The following CTNNA2 variants were observed in gnomAD, a reference collection of about 807,000 sequenced individuals.
The protein encoded by CTNNA2 is catenin alpha 2, also known as catenin alpha-2.
Under a neutral mutation model 101.0 loss-of-function variants are expected in CTNNA2, and 42 were observed. That is an observed-to-expected ratio of 0.42 (90% CI 0.32 to 0.54). CTNNA2 has a LOEUF of 0.54. Among genes scored for constraint, CTNNA2 ranks in the 20% least tolerant of loss-of-function variants. The pLI is 0.14. For synonymous variants in CTNNA2, 450 were observed against 456.4 expected, an observed-to-expected ratio of 0.99 and a Z score of 0.18; for missense variants, 871 against 1,223.1, an observed-to-expected ratio of 0.71 and a Z score of 4.29.
chr2:79,895,030 G>A (rs1039562631), intron 6 of CTNNA2, among the ~76,000 whole-genome samples: 13 of 152,196 alleles, frequency 8.5e-5, no homozygotes, highest in African/African-American at 2.2e-4. Context: ...ATGCTATTAT[G>A]TTCCAATGGG....
chr2:80,333,704 C>T (rs1671543333), intron 7 of CTNNA2, among the ~76,000 whole-genome samples: 1 of 152,182 alleles, frequency 6.6e-6, no homozygotes, highest in Non-Finnish European at 1.5e-5. Flanking sequence ...CGGCTCCCTG[C>T]AATCTCTGCC....
intron 7 of CTNNA2, among the ~76,000 whole-genome samples, chr2:80,172,468 C>T (rs1171808656): frequency 5.9e-5 from 9 of 152,194 alleles, no homozygotes; most frequent in Admixed American, 5.9e-4. Flanking sequence ...CTTTTATATA[C>T]TCACTCCTCA....
intron 7 of CTNNA2, among the ~76,000 whole-genome samples, chr2:80,046,237 G>C (rs546814594): frequency 1.9e-4 from 29 of 152,252 alleles, no homozygotes; most frequent in Non-Finnish European, 3.7e-4. Flanking sequence ...TCCTGAACTG[G>C]GTTGACCTTG....
At chr2:79,876,985 G>A (rs1683071528) in intron 6 of CTNNA2, among the ~76,000 whole-genome samples, 1 of 151,268 alleles carries the variant, frequency 6.6e-6, no homozygotes, top group African/African-American at 2.4e-5. Flanking sequence ...GTATAATATG[G>A]TAAATAAGTC....
intron 3 of CTNNA2, among the ~76,000 whole-genome samples, chr2:79,357,151 G>A (rs919646633): frequency 6.6e-6 from 1 of 152,024 alleles, no homozygotes; most frequent in Non-Finnish European, 1.5e-5. Flanking sequence ...ACATAGCAAG[G>A]CCTCATCTGT....
At chr2:80,381,358 G>T (rs1401136221) in intron 7 of CTNNA2, among the ~76,000 whole-genome samples, 1 of 152,084 alleles carries the variant, frequency 6.6e-6, no homozygotes, top group Non-Finnish European at 1.5e-5. Context: ...TTCTTTGGTT[G>T]TTTTAACTGT....
At chr2:79,302,024 C>T (rs1005281596) in intron 2 of CTNNA2, among the ~76,000 whole-genome samples, 2 of 151,914 alleles carry the variant, frequency 1.3e-5, no homozygotes, top group Admixed American at 6.6e-5. Flanking sequence ...ACCTGGGAGG[C>T]GGAGGTTGCA....
At chr2:80,087,838 G>A (rs1699545766) in intron 7 of CTNNA2, among the ~76,000 whole-genome samples, 1 of 151,966 alleles carries the variant, frequency 6.6e-6, no homozygotes, top group South Asian at 2.1e-4. Context: ...GCACAGAGGT[G>A]TAAGGCAGAC....
chr2:80,057,276 G>C (rs1002618207), intron 7 of CTNNA2, among the ~76,000 whole-genome samples: 4 of 151,582 alleles, frequency 2.6e-5, no homozygotes, highest in Non-Finnish European at 5.9e-5. Flanking sequence ...AAACTATTGG[G>C]AATATAACTG....
intron 2 of CTNNA2, among the ~76,000 whole-genome samples, chr2:79,221,929 AGGCTGTGT>A (rs1674350404): frequency 6.6e-6 from 1 of 152,148 alleles, no homozygotes; most frequent in Admixed American, 6.5e-5. Flanking sequence ...TAGAGGGTAT[AGGCTGTGT>A]GGCTATATAG....
At chr2:80,578,197 C>T (rs1313942909) in intron 13 of CTNNA2, among the ~76,000 whole-genome samples, 1 of 151,956 alleles carries the variant, frequency 6.6e-6, no homozygotes, top group Non-Finnish European at 1.5e-5. Flanking sequence ...ATACTTGGTG[C>T]CATTTTACAG....
At chr2:79,208,420 G>A (rs1282043237) in intron 2 of CTNNA2, among the ~76,000 whole-genome samples, 1 of 152,134 alleles carries the variant, frequency 6.6e-6, no homozygotes, top group African/African-American at 2.4e-5. Flanking sequence ...TAGAACAATT[G>A]TTTTTCAGCT....
intron 4 of CTNNA2, among the ~76,000 whole-genome samples, chr2:79,495,468 A>G (rs550231393): frequency 3.9e-4 from 60 of 152,348 alleles, no homozygotes; most frequent in Admixed American, 1.0e-3. Context: ...TAAAAATAAT[A>G]ACATGTTGGC....
At chr2:80,076,535 G>A (rs1698765172) in intron 7 of CTNNA2, among the ~76,000 whole-genome samples, 1 of 151,474 alleles carries the variant, frequency 6.6e-6, no homozygotes, top group South Asian at 2.1e-4. Flanking sequence ...CTCCTGCCTT[G>A]GCGTCCCAAA....
intron 7 of CTNNA2, chr2:80,163,063 A>T (rs1704432936): frequency 7.0e-6 from 11 of 1,566,722 alleles, no homozygotes; most frequent in Non-Finnish European, 9.7e-6. Context: ...TAAGGAACAG[A>T]TACTTCATGT....
Position 80,202,150 on chromosome 2 carries a change from C to A in CTNNA2, c.1057-191061C>A, listed in dbSNP as rs145337702. Among the ~76,000 whole-genome samples, 83 of 152,322 alleles carry A rather than the reference C, an allele frequency of 5.4e-4. 1 individual carries two copies. The highest frequency in any genetic ancestry group is 1.8e-3 in the African/African-American group (73 of 41,572). The stretch of plus-strand genomic sequence containing the variant: ...CTATAAGTCTTCTCTCCTCCTCCCT[C>A]TTTCCCTGCTTGATCTGCTCTGTAT... On this transcript the variant is annotated intron_variant, in intron 7 of 18. Coordinates refer to ENST00000402739, the MANE Select transcript of CTNNA2 (RefSeq NM_001282597.3).
At chr2:79,856,480 A>C (rs1156588241) in intron 3 of CTNNA2, among the ~76,000 whole-genome samples, 1 of 152,188 alleles carries the variant, frequency 6.6e-6, no homozygotes. Flanking sequence ...AAAATTGAAT[A>C]AATTGTTTGA....
intron 4 of CTNNA2, among the ~76,000 whole-genome samples, chr2:79,428,688 A>G (rs1678618791): frequency 6.6e-6 from 1 of 152,156 alleles, no homozygotes; most frequent in Non-Finnish European, 1.5e-5. Context: ...TACAGTAGGT[A>G]CACCCCAAGA....
At chr2:80,566,656 A>G (rs776902632) in intron 12 of CTNNA2, among the ~76,000 whole-genome samples, 3 of 152,162 alleles carry the variant, frequency 2.0e-5, no homozygotes, top group Admixed American at 6.5e-5. Flanking sequence ...ACAGGAGGGG[A>G]CAGAGGAATA....
Sources: gnomAD v4.1 joint callset for allele counts (sites outside exome capture counted in the v4.1 genomes callset) on GRCh38, gnomAD v4.1.1 for gene constraint, MANE v1.5 for transcripts, NCBI Gene and HGNC (gene_info 2026-07-23, HGNC 2026-07-21) for gene names.